The following GEMIN2 variants were observed in gnomAD, a reference collection of about 807,000 sequenced individuals.
The protein encoded by GEMIN2 is gem nuclear organelle associated protein 2.
A neutral mutation model predicts 45.8 loss-of-function variants in GEMIN2; 37 were observed. That is an observed-to-expected ratio of 0.81 (90% CI 0.62 to 1.06). The LOEUF (loss-of-function observed/expected upper bound fraction) is 1.06. GEMIN2 is among the 50% of genes least tolerant of loss of function. GEMIN2 has a pLI of 0.00. For synonymous variants in GEMIN2, 101 were observed against 111.5 expected, an observed-to-expected ratio of 0.91 and a Z score of 0.60; for missense variants, 335 against 321.8, an observed-to-expected ratio of 1.04 and a Z score of -0.31.
chr14:39,114,486 C>T lies in GEMIN2; in HGVS notation c.137+11C>T. 2 of 1,603,798 alleles carry T rather than the reference C, an allele frequency of 1.2e-6. No individual in the cohort carries two copies. Among genetic ancestry groups the T allele is most frequent in the Non-Finnish European group, 8.5e-7 (1 of 1,171,932 alleles). On this transcript the variant is annotated intron_variant, in intron 1 of 9. Transcript: ENST00000308317. ...CCTGAGGCGGGTCCAGTGAGTGATT[C>T]GGCCCTGGGCGGGTGGGCTGGTCTT... is the stretch of plus-strand genomic sequence containing the variant.
chr14:39,122,252 G>T (rs2052582117), intron 4 of GEMIN2, among the ~76,000 whole-genome samples, 178 bp from the exon 5 acceptor site: 1 of 152,094 alleles, frequency 6.6e-6, no homozygotes, highest in Non-Finnish European at 1.5e-5. Context: ...CACATTCTGA[G>T]GTACTGGAGT....
At chr14:39,125,539 A>G (rs2052628692) in intron 6 of GEMIN2, among the ~76,000 whole-genome samples, 1 of 151,982 alleles carries the variant, frequency 6.6e-6, no homozygotes, top group Non-Finnish European at 1.5e-5. Flanking sequence ...TCCTGGCCTC[A>G]ACTGATCCAC....
chr14:39,136,110 TATA>T (rs1320342111), intron 9 of GEMIN2, among the ~76,000 whole-genome samples: 1 of 151,960 alleles, frequency 6.6e-6, no homozygotes, highest in Admixed American at 6.6e-5. Flanking sequence ...AAAAGAAAAA[TATA>T]AACAAACACG....
intron 6 of GEMIN2, among the ~76,000 whole-genome samples, chr14:39,125,270 G>A (rs915909894): frequency 6.6e-6 from 1 of 152,152 alleles, no homozygotes; most frequent in Admixed American, 6.5e-5. Context: ...TGGTTTTTCA[G>A]CAAGTAAATG....
chr14:39,130,632 TC>T (rs573235135), intron 7 of GEMIN2, among the ~76,000 whole-genome samples: 25 of 152,186 alleles, frequency 1.6e-4, no homozygotes, highest in African/African-American at 6.0e-4. Context: ...GGTGGCTCAC[TC>T]CTGTAATCCC....
At chr14:39,130,430 C>A (rs779032187) in intron 7 of GEMIN2, among the ~76,000 whole-genome samples, 2 of 152,110 alleles carry the variant, frequency 1.3e-5, no homozygotes, top group Non-Finnish European at 2.9e-5. Context: ...TTCCAGGATA[C>A]AATCTGGTGA....
chr14:39,117,316 C>A (rs893514674), intron 2 of GEMIN2, among the ~76,000 whole-genome samples: 2 of 150,820 alleles, frequency 1.3e-5, no homozygotes, highest in Non-Finnish European at 1.5e-5. Context: ...TAAAGTTAAG[C>A]GTCTTTAAGT....
chr14:39,119,970 G>A (rs1379379624), intron 4 of GEMIN2, among the ~76,000 whole-genome samples: 1 of 152,208 alleles, frequency 6.6e-6, no homozygotes, highest in African/African-American at 2.4e-5. Context: ...CTAGTACCAA[G>A]GATGTATGTA....
At chr14:39,135,494 G>GA (rs1398928240) in intron 9 of GEMIN2, among the ~76,000 whole-genome samples, 1 of 152,068 alleles carries the variant, frequency 6.6e-6, no homozygotes, top group Non-Finnish European at 1.5e-5. Flanking sequence ...GGTGAGGCAG[G>GA]AGAATCACTT....
At chr14:39,120,741 C>G (rs943801950) in intron 4 of GEMIN2, among the ~76,000 whole-genome samples, 1 of 152,142 alleles carries the variant, frequency 6.6e-6, no homozygotes, top group Non-Finnish European at 1.5e-5. Context: ...AATTCTCCTG[C>G]CTCAGCCTCC....
chr14:39,127,754 A>G (rs940902408), intron 6 of GEMIN2, among the ~76,000 whole-genome samples: 1 of 152,068 alleles, frequency 6.6e-6, no homozygotes, highest in African/African-American at 2.4e-5. Flanking sequence ...GATATTTGAA[A>G]GTGTGAAAAT....
chr14:39,125,034 C>T lies in GEMIN2; in HGVS notation c.529C>T (p.Gln177Ter). 1.4e-6 allele frequency: 2 copies of T among 1,413,832 alleles called. No homozygotes were observed. Among genetic ancestry groups the T allele is most frequent in the Non-Finnish European group, 2.0e-6 (2 of 1,001,492 alleles). The allele number at this position is 1,413,832 out of a possible 1,614,324, so 87.6% of individuals were successfully genotyped here. A position where few individuals can be genotyped will look rare whatever the true frequency, so the allele number is the denominator to read the frequency against. The change falls in exon 6 of 10, where the codon CAG becomes TAG. Residue 177 changes from glutamine to a stop codon, truncating the protein, a stop_gained and splice_region_variant. Transcript: ENST00000308317. LOFTEE classifies it high-confidence loss of function. ...GCTTAGTATTGTTAGCAGAATGAAT[C>T]AGGTAAAATTAATAATAGAGATATA... is the stretch of plus-strand genomic sequence containing the variant. ...PLLSIVSRMNQATVTSVLEYL... is the reference protein window; with the variant it reads ...PLLSIVSRMN
chr14:39,124,888 C>T (rs1264255498), intron 5 of GEMIN2, 104 bp from the exon 6 acceptor site: 23 of 640,548 alleles, frequency 3.6e-5, no homozygotes, highest in South Asian at 8.1e-5. Flanking sequence ...TTTATTTGTT[C>T]TTTGTTTCTA....
In GEMIN2 at chr14:39,135,586, CAAAAAAA is replaced by C. The variant is rs1328044265; in HGVS notation, c.771-850_771-844del. ...GGGCAACAAGAACGAAACTCCATCT[CAAAAAAA>C]AAAGAAAAAAGAAAAAAAAAAGGAA... is the stretch of plus-strand genomic sequence containing the variant. On this transcript the variant is annotated intron_variant, in intron 9 of 9. Transcript: ENST00000308317. 4.1e-5 allele frequency among the ~76,000 whole-genome samples: 5 copies of C among 121,874 alleles called. No individual in the cohort carries two copies. The East Asian group carries it at 9.4e-4, about 23-fold the overall frequency. The allele number at this position is 121,874 out of a possible 152,430, so 80.0% of individuals were successfully genotyped here.
At chr14:39,118,654 T>C in intron 4 of GEMIN2, 55 bp downstream of exon 4, 1 of 751,838 alleles carries the variant, frequency 1.3e-6, no homozygotes, top group East Asian at 2.5e-5. Context: ...TGAAAGAGTC[T>C]ATATTTACTT....
At chr14:39,135,502 C>T (rs185601216) in intron 9 of GEMIN2, among the ~76,000 whole-genome samples, 47 of 152,126 alleles carry the variant, frequency 3.1e-4, no homozygotes, top group Admixed American at 7.2e-4. Context: ...AGGAGAATCA[C>T]TTGAACCTGG....
intron 7 of GEMIN2, among the ~76,000 whole-genome samples, chr14:39,131,522 G>C (rs1289918408): frequency 6.6e-6 from 1 of 152,106 alleles, no homozygotes; most frequent in African/African-American, 2.4e-5. Flanking sequence ...AGTGTCAAAA[G>C]ATTATTTCAT....
chr14:39,136,519 A>C lies in GEMIN2; in HGVS notation c.*40A>C. 1 of 1,541,126 alleles carries C rather than the reference A, an allele frequency of 6.5e-7. No homozygotes were observed. The highest frequency in any genetic ancestry group is 9.0e-7 in the Non-Finnish European group (1 of 1,116,382). On this transcript the variant is annotated 3_prime_UTR_variant, in exon 10 of 10. Coordinates refer to ENST00000308317, the MANE Select transcript of GEMIN2 (RefSeq NM_003616.3). ...CAGGGATAGAAGATATTTCTCATGA[A>C]GGCAGCCTAACTCTGAGGAAAACAA...
intron 9 of GEMIN2, among the ~76,000 whole-genome samples, chr14:39,135,132 C>T (rs1189116117): frequency 6.6e-6 from 1 of 151,718 alleles, no homozygotes; most frequent in Non-Finnish European, 1.5e-5. Context: ...TTTCTGACTG[C>T]CTCAGTTGAG....
Sources: allele counts gnomAD v4.1 joint callset (sites outside exome capture counted in the v4.1 genomes callset), GRCh38; gene constraint gnomAD v4.1.1; transcripts MANE v1.5; gene names NCBI Gene and HGNC (gene_info 2026-07-23, HGNC 2026-07-21).